Variants in DNAJC3 observed in about 807,000 individuals in gnomAD.
The protein encoded by DNAJC3 is DnaJ heat shock protein family (Hsp40) member C3.
In DNAJC3, 38 loss-of-function variants were observed where a neutral mutation model predicts 68.6. The ratio of observed to expected loss-of-function variants is 0.55; its 90% CI spans 0.43 to 0.73. The LOEUF is 0.73. Ranked by LOEUF, DNAJC3 falls within the 30% of genes least tolerant of loss-of-function variation. DNAJC3 has a pLI of 0.00. For synonymous variants in DNAJC3, 203 were observed against 204.0 expected (o/e 1.00, Z 0.04); for missense variants, 526 against 591.9 (o/e 0.89, Z 1.16).
At chr13:95,712,858 G>A (rs1014479024) in intron 2 of DNAJC3, among the ~76,000 whole-genome samples, 16 of 152,098 alleles carry the variant, frequency 1.1e-4, no homozygotes, top group African/African-American at 2.7e-4. Flanking sequence ...ATTTAATCAC[G>A]GGGGAAAATA....
At chr13:95,740,145 A>G (rs1285010845) in intron 4 of DNAJC3, among the ~76,000 whole-genome samples, 1 of 152,232 alleles carries the variant, frequency 6.6e-6, no homozygotes. Context: ...TCAGGGACCC[A>G]CTTGAGGAGG....
intron 2 of DNAJC3, 31 bp from the exon 3 acceptor site, chr13:95,723,211 G>A: frequency 1.3e-6 from 2 of 1,541,496 alleles, no homozygotes; most frequent in South Asian, 2.5e-5. Flanking sequence ...TTGAATAAAT[G>A]ACTAAGAGGT....
chr13:95,720,626 A>G (rs1881291030), intron 2 of DNAJC3, among the ~76,000 whole-genome samples: 1 of 152,186 alleles, frequency 6.6e-6, no homozygotes, highest in African/African-American at 2.4e-5. Context: ...AGCAAGTTCT[A>G]AATGTAGTTA....
chr13:95,677,310 C>T lies in DNAJC3; in HGVS notation c.55C>T (p.Leu19=). ...GCTGGGCTCGGTATTCCCCTTCCTG[C>T]TAGTCCTGGTGGATCTGCAGTACGA... ...SRLGSVFPFL[L]VLVDLQYEGA... Residue 19 remains leucine (L), a synonymous_variant, in exon 1 of 12, where the codon CTA becomes TTA. Transcript: ENST00000602402. The T allele has an allele frequency of 6.2e-7, 1 of 1,600,240 alleles. No individual in the cohort carries two copies. Among genetic ancestry groups the T allele is most frequent in the South Asian group, 1.1e-5 (1 of 89,272 alleles).
At chr13:95,785,094 C>T (rs1883559718) in intron 9 of DNAJC3, among the ~76,000 whole-genome samples, 1 of 152,192 alleles carries the variant, frequency 6.6e-6, no homozygotes, top group African/African-American at 2.4e-5. Flanking sequence ...GTTACTGAGT[C>T]ATTCGGATTG....
chr13:95,706,944 G>A lies in DNAJC3; in HGVS notation c.83-2283G>A, dbSNP rs7317424. 3.1e-3 allele frequency among the ~76,000 whole-genome samples: 479 copies of A among 152,246 alleles called. 2 individuals are homozygous for A. The highest frequency in any genetic ancestry group is 0.011 in the African/African-American group (463 of 41,524). On this transcript the variant is annotated intron_variant, in intron 1 of 11. Transcript: ENST00000602402. ...GACTTGATCTGAAAGTTGGATCTGA[G>A]CTGGTTATTTTCTCCCTGTAGGTGC...
chr13:95,753,039 G>C (rs967840584), intron 4 of DNAJC3, among the ~76,000 whole-genome samples: 9 of 152,290 alleles, frequency 5.9e-5, no homozygotes, highest in Middle Eastern at 3.4e-3. Flanking sequence ...GTATATTTCT[G>C]TTGGGTTCTA....
rs192272928 is a variant in DNAJC3, at chr13:95,708,929, A to C, written c.83-298A>C. ...GAGATTCTACCTTCAAACAATTTTCATTTTATTATTCAAAATATTTTTACT... is the reference window on the plus strand; with the variant it reads ...GAGATTCTACCTTCAAACAATTTTCCTTTTATTATTCAAAATATTTTTACT... On this transcript the variant is annotated intron_variant, in intron 1 of 11. Transcript: ENST00000602402. Among the ~76,000 whole-genome samples, 15 of 152,254 alleles carry C rather than the reference A, an allele frequency of 9.9e-5. No individual in the cohort carries two copies. The East Asian group carries it at 2.9e-3, about 29-fold the overall frequency.
rs184824614 is a variant in DNAJC3, at chr13:95,742,415, C to A, written c.394-15229C>A. Among the ~76,000 whole-genome samples, 28 of 152,248 alleles carry A rather than the reference C, an allele frequency of 1.8e-4. No homozygotes were observed. In the East Asian group the frequency reaches 5.4e-3, roughly 29 times the overall value. On this transcript the variant is annotated intron_variant, in intron 4 of 11. Coordinates refer to ENST00000602402, the MANE Select transcript of DNAJC3 (RefSeq NM_006260.5). ...AGGTGTGTAGGATCCAGTGTGATCT[C>A]CTTCTTTGAAGCAATGCCATCATGC...
At chr13:95,697,928 C>T (rs1290894725) in intron 1 of DNAJC3, among the ~76,000 whole-genome samples, 1 of 151,390 alleles carries the variant, frequency 6.6e-6, no homozygotes, top group African/African-American at 2.4e-5. Flanking sequence ...AATTCTTTCT[C>T]TCATTTCTGA....
chr13:95,738,034 G>A lies in DNAJC3; in HGVS notation c.393+12782G>A, dbSNP rs1451250252. 2.6e-4 allele frequency among the ~76,000 whole-genome samples: 36 copies of A among 140,790 alleles called. No individual in the cohort carries two copies. The South Asian group carries it at 5.1e-3, about 20-fold the overall frequency. The allele number at this position is 140,790 out of a possible 152,430, so 92.4% of individuals were successfully genotyped here. ...TCTGGTATGTTGTGTCTTTGTTCTC[G>A]TTGGTTTCAAAGAACATCTTTATTT... On this transcript the variant is annotated intron_variant, in intron 4 of 11. Transcript: ENST00000602402.
chr13:95,761,664 C>G (rs979517338), intron 7 of DNAJC3, among the ~76,000 whole-genome samples: 4 of 152,202 alleles, frequency 2.6e-5, no homozygotes, highest in Non-Finnish European at 5.9e-5. Flanking sequence ...TTGTTCCTAT[C>G]CCTTCCTTAG....
intron 1 of DNAJC3, among the ~76,000 whole-genome samples, chr13:95,679,005 C>T (rs1358045662): frequency 6.6e-6 from 1 of 152,038 alleles, no homozygotes; most frequent in African/African-American, 2.4e-5. Context: ...AAGAAAGGAG[C>T]CTTTCTGTAA....
chr13:95,774,627 A>G (rs1883248622), intron 9 of DNAJC3, among the ~76,000 whole-genome samples: 1 of 152,172 alleles, frequency 6.6e-6, no homozygotes, highest in Non-Finnish European at 1.5e-5. Context: ...TATTGTCAAT[A>G]TTTCCTTCAA....
At chr13:95,680,225 T>C (rs1879876584) in intron 1 of DNAJC3, among the ~76,000 whole-genome samples, 1 of 152,232 alleles carries the variant, frequency 6.6e-6, no homozygotes, top group Non-Finnish European at 1.5e-5. Context: ...ACCTTTTTTC[T>C]CTTATCATAG....
intron 1 of DNAJC3, chr13:95,695,813 T>TGCTTCACCATCAATACC (rs1467493627): frequency 2.6e-5 from 4 of 152,190 alleles, no homozygotes; most frequent in African/African-American, 9.7e-5. Flanking sequence ...CCGTCAACAC[T>TGCTTCACCATCAATACC]GCTTCACCAT....
At chr13:95,712,277 A>C (rs1328020559) in intron 2 of DNAJC3, among the ~76,000 whole-genome samples, 4 of 152,066 alleles carry the variant, frequency 2.6e-5, no homozygotes, top group Non-Finnish European at 2.9e-5. Flanking sequence ...AGCTCTCCCC[A>C]CACCTCACCA....
chr13:95,775,213 T>C (rs1883261821), intron 9 of DNAJC3, among the ~76,000 whole-genome samples: 1 of 152,192 alleles, frequency 6.6e-6, no homozygotes, highest in Non-Finnish European at 1.5e-5. Context: ...TGTAGGTGCA[T>C]GTCCTGCACT....
At chr13:95,682,922 A>G (rs1445339896) in intron 1 of DNAJC3, among the ~76,000 whole-genome samples, 1 of 152,242 alleles carries the variant, frequency 6.6e-6, no homozygotes, top group Non-Finnish European at 1.5e-5. Flanking sequence ...CAAATATTGC[A>G]TACCCACTAT....
Sources: gnomAD v4.1 joint callset for allele counts (sites outside exome capture counted in the v4.1 genomes callset) on GRCh38, gnomAD v4.1.1 for gene constraint, MANE v1.5 for transcripts, NCBI Gene and HGNC (gene_info 2026-07-23, HGNC 2026-07-21) for gene names.